LHX6: variants seen among roughly 807,000 people sequenced by gnomAD.
LHX6 encodes the protein LIM/homeobox protein Lhx6.
A neutral mutation model predicts 47.1 loss-of-function variants in LHX6; 15 were observed. The observed-to-expected ratio is 0.32, with a 90% CI of 0.21 to 0.49. The LOEUF (loss-of-function observed/expected upper bound fraction) is 0.49. Ranked by LOEUF, LHX6 falls within the 20% of genes least tolerant of loss-of-function variation. The probability of loss-of-function intolerance (pLI) is 0.99; values close to 1 mark genes in which losing one functional copy is unlikely to be tolerated. For missense variants in LHX6, 404 were observed against 539.6 expected, an observed-to-expected ratio of 0.75 and a Z score of 2.49; for synonymous variants, 242 against 233.5, an observed-to-expected ratio of 1.04 and a Z score of -0.33.
intron 5 of LHX6, among the ~76,000 whole-genome samples, chr9:122,216,332 C>T (rs775193265): frequency 6.6e-6 from 1 of 152,236 alleles, no homozygotes; most frequent in Non-Finnish European, 1.5e-5. Context: ...ATCTGTGACC[C>T]TGTCCCCAGG....
rs893435362 is a variant in LHX6, at chr9:122,228,592, C to T, written c.84+65G>A. On this transcript the variant is annotated intron_variant, in intron 1 of 9. Coordinates refer to ENST00000394319, the MANE Select transcript of LHX6 (RefSeq NM_014368.5). ...CAACCGCCCGCCACCCTGCTCGGCCCGGCTGGGTCCCGGACCCTGCCCGAC... is the reference window on the plus strand; with the variant it reads ...CAACCGCCCGCCACCCTGCTCGGCCTGGCTGGGTCCCGGACCCTGCCCGAC... The T allele has an allele frequency of 5.9e-6, 8 of 1,355,504 alleles. No individual in the cohort carries two copies. The African/African-American group carries it at 7.7e-5, about 13-fold the overall frequency. 84.0% of individuals were successfully genotyped at this position (1,355,504 alleles called of 1,614,324 possible). A position where few individuals can be genotyped will look rare whatever the true frequency, so the allele number is the denominator to read the frequency against.
intron 1 of LHX6, chr9:122,228,205 C>T: frequency 6.7e-7 from 1 of 1,487,768 alleles, no homozygotes; most frequent in Non-Finnish European, 9.0e-7. Flanking sequence ...AAACCCGGAG[C>T]AAAAAGAGAG....
chr9:122,209,086 A>G (rs1441216216), intron 9 of LHX6, among the ~76,000 whole-genome samples: 1 of 152,180 alleles, frequency 6.6e-6, no homozygotes, highest in Non-Finnish European at 1.5e-5. Context: ...TTCAGAAATA[A>G]TACCTTGAAG....
In LHX6 at chr9:122,204,677, T is replaced by G. The variant is rs775368606; in HGVS notation, c.*83A>C. ...GTGGATGCGGAGGTGGGTGGACTCC[T>G]GGCCGCAGCTTGGACACTGGATCTC... On this transcript the variant is annotated 3_prime_UTR_variant, in exon 10 of 10. Transcript: ENST00000394319. The G allele has an allele frequency of 7.1e-6, 11 of 1,553,708 alleles. No individual in the cohort carries two copies. Among genetic ancestry groups the G allele is most frequent in the Non-Finnish European group, 9.6e-6 (11 of 1,143,410 alleles).
rs1421603456 is a variant in LHX6 at position 122,214,120 on chromosome 9, C to T, written c.784-51G>A. On this transcript the variant is annotated intron_variant, in intron 6 of 9. Coordinates refer to ENST00000394319, the MANE Select transcript of LHX6 (RefSeq NM_014368.5). The surrounding 1 kb of genome is among the most constrained non-coding windows in gnomAD (Gnocchi z 4.6). Reference sequence around the variant, plus strand: ...CGCTCGCACGCAGAGACTCCGAGACCCCGGCCCAATCAGCGGCGCCAGTCC... The same window carrying T: ...CGCTCGCACGCAGAGACTCCGAGACTCCGGCCCAATCAGCGGCGCCAGTCC... 3.9e-6 allele frequency: 6 copies of T among 1,532,614 alleles called. No homozygotes were observed. In the African/African-American group the frequency reaches 8.2e-5, roughly 21 times the overall value. The allele number at this position is 1,532,614 out of a possible 1,614,324, so 94.9% of individuals were successfully genotyped here. A position where few individuals can be genotyped will look rare whatever the true frequency, so the allele number is the denominator to read the frequency against.
intron 9 of LHX6, among the ~76,000 whole-genome samples, chr9:122,206,216 A>G (rs934134428): frequency 6.6e-6 from 1 of 152,106 alleles, no homozygotes; most frequent in African/African-American, 2.4e-5. Context: ...GAGGCAGGGG[A>G]TGCTCCCCTG....
chr9:122,210,990 C>T (rs952709768), intron 8 of LHX6, among the ~76,000 whole-genome samples: 2 of 152,200 alleles, frequency 1.3e-5, no homozygotes, highest in Non-Finnish European at 2.9e-5. Flanking sequence ...ATTTCCAGCA[C>T]CTAGAGTGAG....
intron 1 of LHX6, 110 bp downstream of exon 1, chr9:122,228,547 C>A (rs1831208697): frequency 7.3e-7 from 1 of 1,362,508 alleles, no homozygotes; most frequent in Non-Finnish European, 9.5e-7. Flanking sequence ...ACAGGCGCAC[C>A]CTCGTACCCC....
In LHX6 at chr9:122,228,673, C is replaced by A; in HGVS notation, c.68G>T (p.Gly23Val). 1 of 1,288,798 alleles carries A rather than the reference C, an allele frequency of 7.8e-7. No individual in the cohort carries two copies. The allele number at this position is 1,288,798 out of a possible 1,614,324, so 79.8% of individuals were successfully genotyped here. Residue 23 changes from glycine (G) to valine (V), a missense_variant, in exon 1 of 10, where the codon GGC becomes GTC. Gly to Val is a moderately radical substitution (Grantham distance 109). Around this residue, in one of 7 missense-constraint regions of LHX6, gnomAD observed 144 missense variants for 128.7 expected, o/e 1.12. Transcript: ENST00000394319. ...CCGGCTCACCTGGTCGGTGGCGGGG[C>A]CGCCCTCGGCCGGCAGCCGGCAGCC... ...PEGCRLPAEG[G>V]PATDQVMAQP...
chr9:122,204,713 G>A lies in LHX6; in HGVS notation c.*47C>T. 1 of 1,592,084 alleles carries A rather than the reference G, an allele frequency of 6.3e-7. No homozygotes were observed. The highest frequency in any genetic ancestry group is 8.6e-7 in the Non-Finnish European group (1 of 1,169,138). On this transcript the variant is annotated 3_prime_UTR_variant, in exon 10 of 10. Transcript: ENST00000394319. ...TGGACACTGGATCTCAGCGGCTGAGGGGCAGCTGTGGGGCGCCCACGGGCA... is the reference window on the plus strand; with the variant it reads ...TGGACACTGGATCTCAGCGGCTGAGAGGCAGCTGTGGGGCGCCCACGGGCA...
At chr9:122,220,979 C>T in intron 4 of LHX6, 1 of 551,042 alleles carries the variant, frequency 1.8e-6, no homozygotes, top group Non-Finnish European at 2.3e-6. Context: ...ACCCCTTCTC[C>T]CACTATTAAG....
At chr9:122,227,839 T>G (rs1831174861) in intron 1 of LHX6, 2 of 341,998 alleles carry the variant, frequency 5.8e-6, no homozygotes, top group Non-Finnish European at 1.1e-5. Context: ...AGATAAGAGG[T>G]AGCCAGAGTG....
chr9:122,218,957 T>C (rs1223424593), intron 4 of LHX6, among the ~76,000 whole-genome samples: 4 of 152,136 alleles, frequency 2.6e-5, no homozygotes, highest in Non-Finnish European at 5.9e-5. Flanking sequence ...CTGGCTCTTC[T>C]CTTCCACCCC....
At chr9:122,219,233 C>G (rs1830721848) in intron 4 of LHX6, among the ~76,000 whole-genome samples, 1 of 152,242 alleles carries the variant, frequency 6.6e-6, no homozygotes, top group South Asian at 2.1e-4. Flanking sequence ...CTCGCAGATT[C>G]AACCCCAACC....
At chr9:122,221,593 A>T in intron 4 of LHX6, 2 of 985,640 alleles carry the variant, frequency 2.0e-6, no homozygotes, top group Non-Finnish European at 2.4e-6. Flanking sequence ...GAGGGGAAGC[A>T]GTTAACCCTT....
intron 4 of LHX6, among the ~76,000 whole-genome samples, chr9:122,219,031 C>A (rs899168141): frequency 6.6e-6 from 1 of 152,192 alleles, no homozygotes; most frequent in African/African-American, 2.4e-5. Context: ...TTTGCCTCTG[C>A]GTCCCCAGGG....
At chr9:122,221,061 C>A (rs1254463898) in intron 4 of LHX6, 3 of 984,462 alleles carry the variant, frequency 3.0e-6, no homozygotes, top group Admixed American at 6.2e-5. Context: ...AGCTATTGAG[C>A]CGAGAGGCCG....
chr9:122,221,565 C>A (rs1192991649), intron 4 of LHX6: 4 of 985,778 alleles, frequency 4.1e-6, no homozygotes, highest in Non-Finnish European at 4.8e-6. Context: ...CTCACTGAAC[C>A]CCCACCCCCA....
Position 122,217,385 on chromosome 9 carries a change from G to A in LHX6, c.462-97C>T. 1.0e-6 allele frequency: 1 copy of A among 978,700 alleles called. No homozygotes were observed. Among genetic ancestry groups the A allele is most frequent in the Non-Finnish European group, 1.5e-6 (1 of 660,150 alleles). 60.6% of individuals were successfully genotyped at this position (978,700 alleles called of 1,614,324 possible). A position where few individuals can be genotyped will look rare whatever the true frequency, so the allele number is the denominator to read the frequency against. On this transcript the variant is annotated intron_variant, in intron 4 of 9. Coordinates refer to ENST00000394319, the MANE Select transcript of LHX6 (RefSeq NM_014368.5). The surrounding 1 kb of genome is among the most constrained non-coding windows in gnomAD (Gnocchi z 4.9). ...TGGCCCGCCAGCCCCCAGGCTCCTG[G>A]CCTCTAAGTCTTCAACTCAGGCATT...
Sources: gnomAD v4.1 joint callset for allele counts (sites outside exome capture counted in the v4.1 genomes callset) on GRCh38, gnomAD v4.1.1 for gene constraint, gnomAD v4.1.1 regional missense constraint, Gnocchi (gnomAD v3.1) non-coding constraint, MANE v1.5 for transcripts, NCBI Gene and HGNC (gene_info 2026-07-23, HGNC 2026-07-21) for gene names.